ERBB4: variants seen among roughly 807,000 people sequenced by gnomAD.
ERBB4 encodes erb-b2 receptor tyrosine kinase 4.
ERBB4 carries 42 observed loss-of-function variants against 158.0 expected under a neutral mutation model. That is an observed-to-expected ratio of 0.27 (90% CI 0.21 to 0.34). ERBB4 has a LOEUF of 0.34. Among genes scored for constraint, ERBB4 ranks in the 10% least tolerant of loss-of-function variants. ERBB4 has a pLI of 1.00. For missense variants in ERBB4, 1,333 were observed against 1,624.1 expected, an observed-to-expected ratio of 0.82 and a Z score of 3.08; for synonymous variants, 583 against 558.7, an observed-to-expected ratio of 1.04 and a Z score of -0.61.
intron 19 of ERBB4, among the ~76,000 whole-genome samples, chr2:211,562,388 T>C (rs1335940376): frequency 1.3e-5 from 2 of 152,218 alleles, no homozygotes; most frequent in Non-Finnish European, 2.9e-5. Context: ...ATTTTACTTA[T>C]TGCCAAGTAA....
intron 20 of ERBB4, among the ~76,000 whole-genome samples, chr2:211,443,399 T>C (rs1439810709): frequency 6.6e-6 from 1 of 152,116 alleles, no homozygotes; most frequent in Non-Finnish European, 1.5e-5. Flanking sequence ...AATTCTGGAA[T>C]ACTATTTGGG....
chr2:211,665,585 CTCT>C, intron 14 of ERBB4, 108 bp from the exon 15 acceptor site: 2 of 1,026,966 alleles, frequency 1.9e-6, no homozygotes, highest in Non-Finnish European at 3.0e-6. Context: ...GCAAATCTTC[CTCT>C]AAGAGAATTG....
chr2:211,529,721 A>G (rs1293213496), intron 20 of ERBB4, among the ~76,000 whole-genome samples: 1 of 152,170 alleles, frequency 6.6e-6, no homozygotes, highest in African/African-American at 2.4e-5. Flanking sequence ...GTGATACATC[A>G]TATCAACAGA....
chr2:211,830,568 T>A (rs966840306), intron 3 of ERBB4, among the ~76,000 whole-genome samples: 4 of 152,198 alleles, frequency 2.6e-5, no homozygotes, highest in Admixed American at 6.6e-5. Flanking sequence ...GTTAACTTTA[T>A]AGTAGCTTCT....
rs1458987519 is a variant in ERBB4 at position 211,376,622 on chromosome 2, G to A, written c.*6993C>T. 5 of 232,738 alleles carry A rather than the reference G, an allele frequency of 2.1e-5. No individual in the cohort carries two copies. The highest frequency in any genetic ancestry group is 6.1e-5 in the East Asian group (1 of 16,526). 14.4% of individuals were successfully genotyped at this position (232,738 alleles called of 1,614,324 possible). A position where few individuals can be genotyped will look rare whatever the true frequency, so the allele number is the denominator to read the frequency against. On this transcript the variant is annotated 3_prime_UTR_variant, in exon 28 of 28. Transcript: ENST00000342788. ...GTGAGTACAAATGTATACACCTTAA[G>A]CCTCTGCCTTTTCAGTAAAGTGACT...
intron 3 of ERBB4, among the ~76,000 whole-genome samples, chr2:211,828,188 A>G (rs2077144026): frequency 6.6e-6 from 1 of 152,184 alleles, no homozygotes; most frequent in Admixed American, 6.6e-5. Context: ...GTTCAGTTGG[A>G]TGGGAAATCA....
intron 20 of ERBB4, among the ~76,000 whole-genome samples, chr2:211,447,944 C>T (rs2064152573): frequency 6.6e-6 from 1 of 151,440 alleles, no homozygotes; most frequent in African/African-American, 2.4e-5. Flanking sequence ...TAAGGAAGAA[C>T]TTCATTGTAT....
At chr2:211,634,662 C>T (rs971023579) in intron 16 of ERBB4, among the ~76,000 whole-genome samples, 6 of 151,866 alleles carry the variant, frequency 4.0e-5, no homozygotes, top group African/African-American at 1.2e-4. Flanking sequence ...TGTTTCTGAG[C>T]GTGAATGTGA....
At chr2:211,413,083 G>T (rs1314873514) in intron 25 of ERBB4, among the ~76,000 whole-genome samples, 1 of 151,902 alleles carries the variant, frequency 6.6e-6, no homozygotes, top group African/African-American at 2.4e-5. Flanking sequence ...ATTGCTTGAG[G>T]CCAGGAGTTT....
At chr2:212,099,738 T>TTG (rs1553557622) in intron 2 of ERBB4, among the ~76,000 whole-genome samples, 10 of 126,420 alleles carry the variant, frequency 7.9e-5, no homozygotes, top group African/African-American at 2.4e-4. Context: ...GTTTTACAGT[T>TTG]TTTTTTTTTT....
At chr2:211,980,178 G>T (rs2125228109) in intron 2 of ERBB4, among the ~76,000 whole-genome samples, 1 of 152,224 alleles carries the variant, frequency 6.6e-6, no homozygotes, top group Non-Finnish European at 1.5e-5. Flanking sequence ...AAAAGAAAAA[G>T]ACATATGACT....
chr2:212,509,461 G>A (rs951379238), intron 1 of ERBB4, among the ~76,000 whole-genome samples: 4 of 151,902 alleles, frequency 2.6e-5, no homozygotes, highest in Non-Finnish European at 5.9e-5. Flanking sequence ...CTGTAATCAC[G>A]ATAGGTTAAC....
At chr2:212,359,954 T>C (rs1381412201) in intron 1 of ERBB4, among the ~76,000 whole-genome samples, 1 of 151,778 alleles carries the variant, frequency 6.6e-6, no homozygotes, top group African/African-American at 2.4e-5. Flanking sequence ...GTGTAACTTT[T>C]GTCTAAAGAG....
rs75450681 is a variant in ERBB4, at chr2:211,729,984, T to G, written c.623-4790A>C. On this transcript the variant is annotated intron_variant, in intron 5 of 27. Coordinates refer to ENST00000342788, the MANE Select transcript of ERBB4 (RefSeq NM_005235.3). Reference sequence around the variant, plus strand: ...TATATTCGGGTCAGTAAACTTGACATGGGGAATGTGAATTCATTCAAAATA... The same window carrying G: ...TATATTCGGGTCAGTAAACTTGACAGGGGGAATGTGAATTCATTCAAAATA... Among the ~76,000 whole-genome samples the G allele has an allele frequency of 2.1e-3, 321 of 152,062 alleles. 1 individual carries two copies. Among genetic ancestry groups the G allele is most frequent in the African/African-American group, 7.5e-3 (313 of 41,542 alleles).
intron 20 of ERBB4, among the ~76,000 whole-genome samples, chr2:211,515,912 ATTT>A (rs1553555083): frequency 0.056 from 4,389 of 78,906 alleles, 354 homozygotes; most frequent in African/African-American, 0.21. Context: ...ATATATATAT[ATTT>A]TTTTTTTTTT....
chr2:212,153,670 A>G (rs1222470542), intron 1 of ERBB4, among the ~76,000 whole-genome samples: 2 of 152,190 alleles, frequency 1.3e-5, no homozygotes, highest in East Asian at 3.8e-4. Flanking sequence ...AACTGCAATT[A>G]CTTTTGTGCT....
At chr2:212,091,677 T>C (rs1215813962) in intron 2 of ERBB4, among the ~76,000 whole-genome samples, 1 of 152,178 alleles carries the variant, frequency 6.6e-6, no homozygotes, top group Non-Finnish European at 1.5e-5. Flanking sequence ...AATCTATTTG[T>C]ATATGTATAG....
intron 2 of ERBB4, among the ~76,000 whole-genome samples, chr2:212,035,010 ATATCT>A (rs1258396587): frequency 6.6e-6 from 1 of 152,174 alleles, no homozygotes; most frequent in African/African-American, 2.4e-5. Flanking sequence ...CAGTAGGAAA[ATATCT>A]TAGATAATAA....
intron 7 of ERBB4, among the ~76,000 whole-genome samples, chr2:211,716,054 A>G (rs2073885137): frequency 2.0e-5 from 3 of 152,230 alleles, no homozygotes; most frequent in Non-Finnish European, 4.4e-5. Context: ...TAGGAACTGT[A>G]GACCTGCATT....
Sources: gnomAD v4.1 joint callset for allele counts (sites outside exome capture counted in the v4.1 genomes callset) on GRCh38, gnomAD v4.1.1 for gene constraint, MANE v1.5 for transcripts, NCBI Gene and HGNC (gene_info 2026-07-23, HGNC 2026-07-21) for gene names.